The following RBM47 variants were observed in gnomAD, a reference collection of about 807,000 sequenced individuals.
RBM47 encodes the protein RNA binding motif protein 47.
In RBM47, 21 loss-of-function variants were observed where a neutral mutation model predicts 47.1. The ratio of observed to expected loss-of-function variants is 0.45; its 90% CI spans 0.32 to 0.64. The LOEUF (loss-of-function observed/expected upper bound fraction) is 0.64, where lower values mean the gene tolerates loss of function less well. Among genes scored for constraint, RBM47 ranks in the 30% least tolerant of loss-of-function variants. RBM47 has a pLI of 0.05. For synonymous variants in RBM47, 375 were observed against 361.7 expected (o/e 1.04, Z -0.42); for missense variants, 708 against 870.9 (o/e 0.81, Z 2.35).
At chr4:40,542,292 C>A (rs559428768) in intron 2 of RBM47, among the ~76,000 whole-genome samples, 1 of 152,256 alleles carries the variant, frequency 6.6e-6, no homozygotes, top group East Asian at 1.9e-4. Flanking sequence ...CTCTCCCTCT[C>A]CCTTTCCCTT....
At chr4:40,428,546 T>C (rs1023565447) in intron 6 of RBM47, among the ~76,000 whole-genome samples, 1 of 152,182 alleles carries the variant, frequency 6.6e-6, no homozygotes, top group Non-Finnish European at 1.5e-5. Context: ...CTTTTCCACA[T>C]GTGTGGACGT....
In RBM47 at chr4:40,437,983, G is replaced by C. The variant is rs1350835399; in HGVS notation, c.911C>G (p.Thr304Ser). 6.2e-7 allele frequency: 1 copy of C among 1,613,610 alleles called. No homozygotes were observed. The highest frequency in any genetic ancestry group is 1.1e-5 in the South Asian group (1 of 91,082). ...CTCCAGGCACGAGCCCTCCAGCTCAGTGCCGTTGAGGTTGTTCATGGCATG... is the reference window on the plus strand; with the variant it reads ...CTCCAGGCACGAGCCCTCCAGCTCACTGCCGTTGAGGTTGTTCATGGCATG... ...AVHAMNNLNG[T>S]ELEGSCLEVT... Residue 304 changes from threonine to serine, a missense_variant, in exon 4 of 7, where the codon ACT becomes AGT. Physicochemically the swap from Thr to Ser is moderately conservative, Grantham distance 58 (BLOSUM62 1). Transcript: ENST00000295971.
chr4:40,428,785 TCAC>T (rs896661552), intron 6 of RBM47, among the ~76,000 whole-genome samples: 9 of 152,226 alleles, frequency 5.9e-5, no homozygotes, highest in African/African-American at 2.2e-4. Flanking sequence ...ATGATAGCAT[TCAC>T]CACACTATAA....
intron 1 of RBM47, among the ~76,000 whole-genome samples, chr4:40,621,341 A>T (rs1737248416): frequency 6.6e-6 from 1 of 152,240 alleles, no homozygotes; most frequent in South Asian, 2.1e-4. Flanking sequence ...TAATTGTCCA[A>T]AGGAGAGAAC....
chr4:40,492,310 C>T (rs2154246880), intron 2 of RBM47, among the ~76,000 whole-genome samples: 1 of 152,216 alleles, frequency 6.6e-6, no homozygotes, highest in South Asian at 2.1e-4. Flanking sequence ...GTTGAGGCTG[C>T]AGTGATTGTG....
intron 1 of RBM47, among the ~76,000 whole-genome samples, chr4:40,603,955 A>G (rs768722510): frequency 7.2e-5 from 11 of 152,108 alleles, no homozygotes; most frequent in Non-Finnish European, 1.5e-4. Flanking sequence ...TGACTCCAGG[A>G]TCTCATTCCT....
At chr4:40,560,926 C>A (rs1730550980) in intron 1 of RBM47, among the ~76,000 whole-genome samples, 1 of 151,278 alleles carries the variant, frequency 6.6e-6, no homozygotes, top group Non-Finnish European at 1.5e-5. Flanking sequence ...GAACGCGCCA[C>A]TGCACTTCAG....
intron 1 of RBM47, among the ~76,000 whole-genome samples, chr4:40,600,999 A>AAAAAAAAAAAAAAAAAAAG (rs1338188731): frequency 1.4e-5 from 2 of 147,364 alleles, no homozygotes; most frequent in Admixed American, 6.7e-5. Context: ...AAAAAAAAAA[A>AAAAAAAAAAAAAAAAAAAG]AAAGAAAGAA....
At chr4:40,483,485 T>G (rs542923074) in intron 2 of RBM47, among the ~76,000 whole-genome samples, 2 of 152,290 alleles carry the variant, frequency 1.3e-5, no homozygotes, top group Admixed American at 1.3e-4. Context: ...CTTGGCTGAT[T>G]GGAGGATTCT....
rs1553903538 is a variant in RBM47, at chr4:40,573,807, A to AAAAGAAAGAAAG, written c.-239-29313_-239-29302dup. The stretch of plus-strand genomic sequence containing the variant: ...AAAGAGAGAGAGAGAGAAAGAAAGA[A>AAAAGAAAGAAAG]AAAGAAAGAAAGAAAGAAAGAAAGA... On this transcript the variant is annotated intron_variant, in intron 1 of 6. Coordinates refer to ENST00000295971, the MANE Select transcript of RBM47 (RefSeq NM_001098634.2). Among the ~76,000 whole-genome samples, 628 of 136,758 alleles carry AAAAGAAAGAAAG rather than the reference A, an allele frequency of 4.6e-3. 7 individuals carry two copies. Among genetic ancestry groups the AAAAGAAAGAAAG allele is most frequent in the African/African-American group, 8.0e-3 (262 of 32,952 alleles). 89.7% of individuals were successfully genotyped at this position (136,758 alleles called of 152,430 possible).
chr4:40,586,625 T>C (rs1169438070), intron 1 of RBM47, among the ~76,000 whole-genome samples: 1 of 148,624 alleles, frequency 6.7e-6, no homozygotes, highest in African/African-American at 2.5e-5. Context: ...TGGCGCTCCG[T>C]CCACTTTTCA....
intron 6 of RBM47, among the ~76,000 whole-genome samples, chr4:40,430,877 A>G (rs1424847664): frequency 6.6e-6 from 1 of 152,042 alleles, no homozygotes; most frequent in Non-Finnish European, 1.5e-5. Context: ...GCTTGAGCCC[A>G]GGAGTTCAAT....
chr4:40,424,037 A>C lies in RBM47; in HGVS notation c.*1867T>G, dbSNP rs1714716790. The C allele has an allele frequency of 6.6e-6, 1 of 152,254 alleles. No individual in the cohort carries two copies. Among genetic ancestry groups the C allele is most frequent in the Non-Finnish European group, 1.5e-5 (1 of 68,040 alleles). 9.4% of individuals were successfully genotyped at this position (152,254 alleles called of 1,614,324 possible). On this transcript the variant is annotated 3_prime_UTR_variant, in exon 7 of 7. Transcript: ENST00000295971. ...GCGGTGCTTAAAGGCCTCAGTAGGC[A>C]CTCAATAATTTTATAGAATAGTTAA...
At chr4:40,616,521 C>T (rs1443252129) in intron 1 of RBM47, among the ~76,000 whole-genome samples, 2 of 152,034 alleles carry the variant, frequency 1.3e-5, no homozygotes, top group African/African-American at 4.8e-5. Context: ...AAAGCTTCCA[C>T]CGCTATAAGC....
chr4:40,589,433 A>T (rs1219868771), intron 1 of RBM47, among the ~76,000 whole-genome samples: 1 of 151,552 alleles, frequency 6.6e-6, no homozygotes, highest in African/African-American at 2.4e-5. Context: ...CTTATTTTTT[A>T]TTTTTTTGAG....
At chr4:40,592,501 C>T (rs1371300752) in intron 1 of RBM47, among the ~76,000 whole-genome samples, 4 of 151,060 alleles carry the variant, frequency 2.6e-5, no homozygotes, top group African/African-American at 4.9e-5. Flanking sequence ...CTCAGCTCAC[C>T]GCAACCTCCG....
chr4:40,603,192 T>C (rs548693444), intron 1 of RBM47, among the ~76,000 whole-genome samples: 24 of 152,344 alleles, frequency 1.6e-4, no homozygotes, highest in Admixed American at 1.1e-3. Flanking sequence ...TTGAACTTTA[T>C]ATAAAAGAGA....
At chr4:40,530,501 C>T (rs184343956) in intron 2 of RBM47, among the ~76,000 whole-genome samples, 3 of 152,026 alleles carry the variant, frequency 2.0e-5, no homozygotes, top group African/African-American at 7.2e-5. Flanking sequence ...TAGGGTTTCA[C>T]TATATTGGCC....
Position 40,424,991 on chromosome 4 carries a change from A to C in RBM47, c.*913T>G, listed in dbSNP as rs1026603818. The C allele has an allele frequency of 4.7e-5, 7 of 148,280 alleles. No homozygotes were observed. Among genetic ancestry groups the C allele is most frequent in the African/African-American group, 7.5e-5 (3 of 39,804 alleles). 9.2% of individuals were successfully genotyped at this position (148,280 alleles called of 1,614,324 possible). A position where few individuals can be genotyped will look rare whatever the true frequency, so the allele number is the denominator to read the frequency against. On this transcript the variant is annotated 3_prime_UTR_variant, in exon 7 of 7. Coordinates refer to ENST00000295971, the MANE Select transcript of RBM47 (RefSeq NM_001098634.2). The stretch of plus-strand genomic sequence containing the variant: ...CTTCCCCAACCAAACAAAAAAAAAA[A>C]CAAAAAACAACGAAACAACAAACCC...
Sources: allele counts gnomAD v4.1 joint callset (sites outside exome capture counted in the v4.1 genomes callset), GRCh38; gene constraint gnomAD v4.1.1; transcripts MANE v1.5; gene names NCBI Gene and HGNC (gene_info 2026-07-23, HGNC 2026-07-21).